OR5V1: variants seen among roughly 807,000 people sequenced by gnomAD.
The protein encoded by OR5V1 is olfactory receptor 5V1.
For synonymous variants in OR5V1, 134 were observed against 143.2 expected, an observed-to-expected ratio of 0.94 and a Z score of 0.46; for missense variants, 365 against 371.5, an observed-to-expected ratio of 0.98 and a Z score of 0.14.
intron 1 of OR5V1, among the ~76,000 whole-genome samples, chr6:29,359,427 G>A (rs1778464216): frequency 6.6e-6 from 1 of 152,186 alleles, no homozygotes; most frequent in Non-Finnish European, 1.5e-5. Context: ...AGTGCACTGT[G>A]CTGATCTAGA....
At chr6:29,361,451 G>A (rs1028758055) in intron 1 of OR5V1, among the ~76,000 whole-genome samples, 2 of 151,940 alleles carry the variant, frequency 1.3e-5, no homozygotes, top group Non-Finnish European at 2.9e-5. Flanking sequence ...GATACTCCTC[G>A]AGAAGGGCAA....
chr6:29,363,634 G>T (rs755457573), intron 1 of OR5V1, among the ~76,000 whole-genome samples: 7 of 152,112 alleles, frequency 4.6e-5, no homozygotes, highest in Non-Finnish European at 8.8e-5. Flanking sequence ...GGGATAAAAG[G>T]CTGGTTCAAC....
At position 29,356,018 on chromosome 6, in the gene OR5V1, AC is replaced by A. The variant is rs771829366; in HGVS notation, c.177del (p.Met59IlefsTer5). On this transcript the variant is annotated frameshift_variant, in exon 2 of 2. Transcript: ENST00000641768. LOFTEE classifies it low-confidence loss of function (END_TRUNC). ...AAGGCCAAGTTCCCTAGAAAATAAT[AC>A]ATAGGTGTATGCAGGTGTGGATCAG... ...TVTDPHLHTPMYYFLGNLAFI... is the reference protein window; with the variant it reads ...TVTDPHLHTPXYYFLGNLAFI... 2.5e-6 allele frequency: 4 copies of A among 1,614,076 alleles called. No homozygotes were observed. In the East Asian group the frequency reaches 8.9e-5, roughly 36 times the overall value.
chr6:29,360,837 G>A (rs908281166), intron 1 of OR5V1, among the ~76,000 whole-genome samples: 3 of 152,146 alleles, frequency 2.0e-5, no homozygotes, highest in African/African-American at 7.2e-5. Context: ...GCACAAAAAT[G>A]CTGAAAATTC....
In OR5V1 at chr6:29,355,958, G is replaced by A; in HGVS notation, c.238C>T (p.Gln80Ter). ...DICYTTSNVPQMMVHLLSKKK... is the reference protein window; with the variant it reads ...DICYTTSNVP ...TTTGAGAGGAGGTGCACCATCATCTGGGGGACATTGCTGGTGGTGTAGCAG... is the reference window on the plus strand; with the variant it reads ...TTTGAGAGGAGGTGCACCATCATCTAGGGGACATTGCTGGTGGTGTAGCAG... Residue 80 changes from glutamine (Q) to a stop codon, truncating the protein, a stop_gained, in exon 2 of 2, where the codon CAG (glutamine) becomes TAG (stop). Coordinates refer to ENST00000641768, the MANE Select transcript of OR5V1 (RefSeq NM_030876.6). LOFTEE classifies it low-confidence loss of function (END_TRUNC). 6.2e-7 allele frequency: 1 copy of A among 1,614,034 alleles called. No individual in the cohort carries two copies.
chr6:29,357,478 C>G (rs759210289), intron 1 of OR5V1, among the ~76,000 whole-genome samples: 1 of 152,132 alleles, frequency 6.6e-6, no homozygotes, highest in African/African-American at 2.4e-5. Flanking sequence ...AAAAACACTT[C>G]TCTTGTTTTG....
intron 1 of OR5V1, among the ~76,000 whole-genome samples, chr6:29,356,748 T>A (rs753637963): frequency 2.0e-5 from 3 of 152,186 alleles, no homozygotes; most frequent in Non-Finnish European, 4.4e-5. Context: ...AAATCTTTAG[T>A]AGTCACCAGA....
chr6:29,363,799 TA>T (rs1320153170), intron 1 of OR5V1, among the ~76,000 whole-genome samples: 1 of 150,746 alleles, frequency 6.6e-6, no homozygotes, highest in Non-Finnish European at 1.5e-5. Context: ...AACATATATA[TA>T]AAAAAAGACC....
intron 1 of OR5V1, among the ~76,000 whole-genome samples, chr6:29,356,940 G>C (rs1778342136): frequency 6.6e-6 from 1 of 152,076 alleles, no homozygotes; most frequent in Admixed American, 6.6e-5. Context: ...ATATAGCAAA[G>C]TTTTTATATA....
rs893232923 is a variant in OR5V1 at position 29,368,828 on chromosome 6, A to T, written c.-279T>A. On this transcript the variant is annotated 5_prime_UTR_variant, in exon 1 of 2. Transcript: ENST00000641768. ...CCTGAAGGCCAGTGCATGGGACTGGAGTGAGTAAGGAAAATGCCCTTTGGA... is the reference window on the plus strand; with the variant it reads ...CCTGAAGGCCAGTGCATGGGACTGGTGTGAGTAAGGAAAATGCCCTTTGGA... The T allele has an allele frequency of 4.6e-5, 7 of 152,104 alleles. No individual in the cohort carries two copies. The highest frequency in any genetic ancestry group is 1.0e-4 in the Non-Finnish European group (7 of 68,008). The allele number at this position is 152,104 out of a possible 1,614,324, so 9.4% of individuals were successfully genotyped here.
chr6:29,358,575 A>G (rs1778423216), intron 1 of OR5V1, among the ~76,000 whole-genome samples: 1 of 152,218 alleles, frequency 6.6e-6, no homozygotes, highest in Admixed American at 6.5e-5. Context: ...CAATAGATGA[A>G]TGACTAAAGA....
At chr6:29,361,733 T>A (rs371628491) in intron 1 of OR5V1, among the ~76,000 whole-genome samples, 3 of 152,150 alleles carry the variant, frequency 2.0e-5, no homozygotes, top group East Asian at 1.9e-4. Context: ...AAGCAAATGC[T>A]GAGGGATTAT....
intron 1 of OR5V1, among the ~76,000 whole-genome samples, chr6:29,368,077 G>T (rs1002537875): frequency 6.6e-6 from 1 of 152,044 alleles, no homozygotes; most frequent in African/African-American, 2.4e-5. Context: ...TCATTAAAGA[G>T]TGTTCTCAAA....
At chr6:29,362,539 A>G (rs1778616454) in intron 1 of OR5V1, among the ~76,000 whole-genome samples, 1 of 152,224 alleles carries the variant, frequency 6.6e-6, no homozygotes, top group African/African-American at 2.4e-5. Flanking sequence ...AATTGGAAGT[A>G]AAACACTCCT....
At position 29,355,019 on chromosome 6, in the gene OR5V1, A is replaced by G. The variant is rs746423007; in HGVS notation, c.*211T>C. The stretch of plus-strand genomic sequence containing the variant: ...CTTTGAATGCAAAATTCAGGAATGG[A>G]AAAATAAATAAGAAGATAATATCTA... On this transcript the variant is annotated 3_prime_UTR_variant, in exon 2 of 2. Transcript: ENST00000641768. The G allele has an allele frequency of 4.8e-6, 2 of 416,616 alleles. No homozygotes were observed. Among genetic ancestry groups the G allele is most frequent in the Non-Finnish European group, 4.1e-6 (1 of 241,914 alleles). 25.8% of individuals were successfully genotyped at this position (416,616 alleles called of 1,614,324 possible).
At position 29,354,449 on chromosome 6, in the gene OR5V1, A is replaced by G. The variant is rs1315299453; in HGVS notation, c.*781T>C. The G allele has an allele frequency of 2.0e-5, 3 of 151,940 alleles. No homozygotes were observed. The highest frequency in any genetic ancestry group is 2.9e-5 in the Non-Finnish European group (2 of 67,916). 9.4% of individuals were successfully genotyped at this position (151,940 alleles called of 1,614,324 possible). On this transcript the variant is annotated 3_prime_UTR_variant, in exon 2 of 2. Transcript: ENST00000641768. Reference sequence around the variant, plus strand: ...AGTCATTATATAACTAAGACTTTTTATTCCCCATCAAAAAACCCTTGTTTT... The same window carrying G: ...AGTCATTATATAACTAAGACTTTTTGTTCCCCATCAAAAAACCCTTGTTTT...
At chr6:29,366,006 G>C (rs1358581568) in intron 1 of OR5V1, among the ~76,000 whole-genome samples, 2 of 152,252 alleles carry the variant, frequency 1.3e-5, no homozygotes, top group Non-Finnish European at 2.9e-5. Context: ...CCTTTGTAGG[G>C]ACATGGATGA....
chr6:29,361,320 A>C (rs1778555090), intron 1 of OR5V1, among the ~76,000 whole-genome samples: 1 of 152,220 alleles, frequency 6.6e-6, no homozygotes, highest in Non-Finnish European at 1.5e-5. Context: ...TATACTTGAA[A>C]GTAACATGGA....
At chr6:29,360,679 G>C (rs1449195028) in intron 1 of OR5V1, among the ~76,000 whole-genome samples, 1 of 152,174 alleles carries the variant, frequency 6.6e-6, no homozygotes, top group Non-Finnish European at 1.5e-5. Context: ...ACCTGCAGAA[G>C]AGGGGCCTGA....
Sources: allele counts gnomAD v4.1 joint callset (sites outside exome capture counted in the v4.1 genomes callset), GRCh38; gene constraint gnomAD v4.1.1; transcripts MANE v1.5; gene names NCBI Gene and HGNC (gene_info 2026-07-23, HGNC 2026-07-21).